Variants in HAUS6 observed in about 807,000 individuals in gnomAD.
HAUS6 encodes the protein HAUS augmin-like complex subunit 6.
HAUS6 carries 80 observed loss-of-function variants against 106.8 expected under a neutral mutation model. That is an observed-to-expected ratio of 0.75 (90% CI 0.63 to 0.90). HAUS6 has a LOEUF of 0.90. Ranked by LOEUF, HAUS6 falls within the 40% of genes least tolerant of loss-of-function variation. The pLI is 0.00. For synonymous variants in HAUS6, 356 were observed against 379.1 expected (o/e 0.94, Z 0.71); for missense variants, 1,155 against 1,118.1 (o/e 1.03, Z -0.47).
At position 19,089,434 on chromosome 9, in the gene HAUS6, G is replaced by C; in HGVS notation, c.562C>G (p.Gln188Glu). Reference protein sequence around the residue: ...QILQRQDCVTQKYQENAQLSV... With the variant: ...QILQRQDCVTEKYQENAQLSV... ...TACTGTGCATTTTCCTGATATTTTT[G>C]GGTAACACAATCTTGTCTTTGCAAA... The change falls in exon 5 of 17, where the codon CAA becomes GAA. Residue 188 changes from glutamine (Q) to glutamate (E), a missense_variant. By Grantham distance (29) the Gln-to-Glu change is conservative. Around this residue, in one of 3 missense-constraint regions of HAUS6, gnomAD observed 761 missense variants for 690.0 expected, o/e 1.10. Coordinates refer to ENST00000380502, the MANE Select transcript of HAUS6 (RefSeq NM_017645.5). 3.7e-6 allele frequency: 6 copies of C among 1,608,874 alleles called. No homozygotes were observed. The East Asian group carries it at 1.1e-4, about 30-fold the overall frequency.
At chr9:19,084,834 G>C (rs1388702595) in intron 7 of HAUS6, among the ~76,000 whole-genome samples, 1 of 151,874 alleles carries the variant, frequency 6.6e-6, no homozygotes, top group Non-Finnish European at 1.5e-5. Flanking sequence ...GTTTCACCAT[G>C]TTGGCCAGGC....
At chr9:19,085,466 G>A (rs116540646) in intron 7 of HAUS6, among the ~76,000 whole-genome samples, 1,846 of 152,066 alleles carry the variant, frequency 0.012, 38 homozygotes, top group African/African-American at 0.042. Flanking sequence ...CATATCAGAT[G>A]ATCAATACAT....
Position 19,054,162 on chromosome 9 carries a change from G to C in HAUS6, c.*2181C>G, listed in dbSNP as rs147114719. The C allele has an allele frequency of 6.6e-6, 1 of 152,126 alleles. No homozygotes were observed. Among genetic ancestry groups the C allele is most frequent in the Non-Finnish European group, 1.5e-5 (1 of 68,016 alleles). The allele number at this position is 152,126 out of a possible 1,614,324, so 9.4% of individuals were successfully genotyped here. A position where few individuals can be genotyped will look rare whatever the true frequency, so the allele number is the denominator to read the frequency against. On this transcript the variant is annotated 3_prime_UTR_variant, in exon 17 of 17. Transcript: ENST00000380502. ...AAGGTATTCCTGCTTCAGGAAAATT[G>C]TATATCAAGACCTCTAAAGACCCAT...
At position 19,074,586 on chromosome 9, in the gene HAUS6, CTA is replaced by C. The variant is rs532058665; in HGVS notation, c.1294+2014_1294+2015del. Among the ~76,000 whole-genome samples the C allele has an allele frequency of 2.8e-3, 421 of 152,120 alleles. 6 individuals carry two copies. The South Asian group carries it at 0.037, about 13-fold the overall frequency. Reference sequence around the variant, plus strand: ...TATGCCCAGCCCTATGCAGACTTTTCTATGTCTTCTCTTCTGGTTGCACCTAA... The same window carrying C: ...TATGCCCAGCCCTATGCAGACTTTTCTGTCTTCTCTTCTGGTTGCACCTAA... On this transcript the variant is annotated intron_variant, in intron 11 of 16. Transcript: ENST00000380502.
At chr9:19,071,292 A>C (rs962149854) in intron 11 of HAUS6, among the ~76,000 whole-genome samples, 3 of 152,218 alleles carry the variant, frequency 2.0e-5, no homozygotes, top group African/African-American at 7.2e-5. Flanking sequence ...AATACCTAGA[A>C]TGAAGCCATG....
At chr9:19,090,118 C>T (rs1817712902) in intron 4 of HAUS6, among the ~76,000 whole-genome samples, 1 of 152,018 alleles carries the variant, frequency 6.6e-6, no homozygotes, top group South Asian at 2.1e-4. Flanking sequence ...GGATTACAGG[C>T]CACCACATTC....
At chr9:19,068,458 T>C (rs974224658) in intron 12 of HAUS6, among the ~76,000 whole-genome samples, 6 of 152,186 alleles carry the variant, frequency 3.9e-5, no homozygotes, top group African/African-American at 1.4e-4. Context: ...AATATGGTTC[T>C]TCCACAACTA....
intron 4 of HAUS6, among the ~76,000 whole-genome samples, chr9:19,091,578 G>A (rs1293957645): frequency 1.3e-5 from 2 of 152,038 alleles, no homozygotes; most frequent in African/African-American, 4.8e-5. Context: ...ACTTTGGGAG[G>A]CCAAGGTGGC....
chr9:19,071,115 T>C (rs1051035820), intron 11 of HAUS6, among the ~76,000 whole-genome samples: 4 of 152,134 alleles, frequency 2.6e-5, no homozygotes, highest in Non-Finnish European at 4.4e-5. Flanking sequence ...ACAGAAGCCA[T>C]AATGAAAGAT....
intron 9 of HAUS6, 32 bp from the exon 10 acceptor site, chr9:19,078,334 G>C (rs1029143507): frequency 3.2e-6 from 4 of 1,245,198 alleles, no homozygotes; most frequent in Non-Finnish European, 4.6e-6. Flanking sequence ...TTATTCAAAA[G>C]ATGATACAAA....
At chr9:19,102,121 AAAATT>A (rs1818001205) in intron 1 of HAUS6, among the ~76,000 whole-genome samples, 2 of 152,176 alleles carry the variant, frequency 1.3e-5, no homozygotes, top group East Asian at 1.9e-4. Flanking sequence ...TAAAAATTAT[AAAATT>A]AAACAACCAC....
At chr9:19,102,487 T>G (rs1322949966) in intron 1 of HAUS6, 37 bp downstream of exon 1, 1 of 1,605,838 alleles carries the variant, frequency 6.2e-7, no homozygotes, top group Non-Finnish European at 8.5e-7. Context: ...GTCCCCCGGT[T>G]CAGGCTCCCT....
chr9:19,072,670 T>C (rs1304046518), intron 11 of HAUS6, among the ~76,000 whole-genome samples: 1 of 152,076 alleles, frequency 6.6e-6, no homozygotes, highest in African/African-American at 2.4e-5. Context: ...CAAAAATGAG[T>C]GCAAATGAAG....
intron 12 of HAUS6, among the ~76,000 whole-genome samples, chr9:19,068,904 G>C (rs935173007): frequency 6.6e-6 from 1 of 152,028 alleles, no homozygotes; most frequent in Non-Finnish European, 1.5e-5. Flanking sequence ...AAGAAAATAG[G>C]AATATTACTG....
chr9:19,072,416 G>C (rs1213639219), intron 11 of HAUS6, among the ~76,000 whole-genome samples: 1 of 151,468 alleles, frequency 6.6e-6, no homozygotes, highest in Non-Finnish European at 1.5e-5. Flanking sequence ...GGGAAGCTTA[G>C]GCAGAAGAAT....
chr9:19,080,782 G>A, intron 8 of HAUS6, 110 bp from the exon 9 acceptor site: 2 of 668,284 alleles, frequency 3.0e-6, no homozygotes, highest in Non-Finnish European at 5.0e-6. Flanking sequence ...AAAGAAGAGG[G>A]AAAGGCCAGA....
intron 11 of HAUS6, among the ~76,000 whole-genome samples, chr9:19,075,825 C>T (rs1304758002): frequency 1.3e-5 from 2 of 151,834 alleles, no homozygotes; most frequent in East Asian, 1.9e-4. Context: ...GGTGTGGTGG[C>T]GCATACCTGT....
intron 11 of HAUS6, among the ~76,000 whole-genome samples, chr9:19,074,471 T>G (rs1024802866): frequency 6.6e-6 from 1 of 152,062 alleles, no homozygotes; most frequent in African/African-American, 2.4e-5. Flanking sequence ...TGGGTCTCAC[T>G]ATGTTGTCCA....
chr9:19,102,532 G>A lies in HAUS6; in HGVS notation c.120C>T (p.His40=), dbSNP rs766411626. 1 of 1,613,646 alleles carries A rather than the reference G, an allele frequency of 6.2e-7. No homozygotes were observed. The highest frequency in any genetic ancestry group is 8.5e-7 in the Non-Finnish European group (1 of 1,179,812). Residue 40 remains histidine (H), a synonymous_variant, in exon 1 of 17, where the codon CAC becomes CAT. Transcript: ENST00000380502. ...IACGKIVSHT[H]LGVNMFDKLN... ...GGCCCCGGCCTCCTTACACTCCGAG[G>A]TGCGTGTGCGACACGATCTTTCCGC...
Sources: allele counts gnomAD v4.1 joint callset (sites outside exome capture counted in the v4.1 genomes callset), GRCh38; gene constraint gnomAD v4.1.1; regional missense constraint gnomAD v4.1.1; transcripts MANE v1.5; gene names NCBI Gene and HGNC (gene_info 2026-07-23, HGNC 2026-07-21).